ARCN1: variants seen among roughly 807,000 people sequenced by gnomAD.
ARCN1 encodes the protein archain 1 coat protein complex I subunit delta.
In ARCN1, 5 loss-of-function variants were observed where a neutral mutation model predicts 60.4. The observed-to-expected ratio is 0.08, with a 90% CI of 0.04 to 0.17. The LOEUF (loss-of-function observed/expected upper bound fraction) is 0.17, where lower values mean the gene tolerates loss of function less well. Among genes scored for constraint, ARCN1 ranks in the 10% least tolerant of loss-of-function variants. The pLI is 1.00. For synonymous variants in ARCN1, 224 were observed against 220.0 expected (o/e 1.02, Z -0.16); for missense variants, 464 against 626.5 (o/e 0.74, Z 2.77).
At chr11:118,598,167 A>G (rs1441750790) in intron 9 of ARCN1, among the ~76,000 whole-genome samples, 1 of 152,190 alleles carries the variant, frequency 6.6e-6, no homozygotes, top group African/African-American at 2.4e-5. Flanking sequence ...GTACTTGTGG[A>G]TTATGCAAGA....
intron 1 of ARCN1, chr11:118,573,721 T>G (rs1249564643): frequency 1.4e-6 from 1 of 695,094 alleles, no homozygotes; most frequent in African/African-American, 1.8e-5. Flanking sequence ...AGATAAGAAC[T>G]TGGATAATGG....
intron 1 of ARCN1, 42 bp downstream of exon 1, chr11:118,572,592 T>C: frequency 6.3e-7 from 1 of 1,596,558 alleles, no homozygotes; most frequent in Non-Finnish European, 8.5e-7. Context: ...GGTCCGAGCC[T>C]CACCGTCTCT....
intron 8 of ARCN1, among the ~76,000 whole-genome samples, chr11:118,595,973 A>G (rs1384964159): frequency 2.0e-5 from 3 of 152,128 alleles, no homozygotes; most frequent in Non-Finnish European, 4.4e-5. Context: ...AGGCTGAGGC[A>G]GGAGAATGGT....
At chr11:118,583,784 C>T (rs782037970) in intron 3 of ARCN1, 25 bp from the exon 4 acceptor site, 3 of 1,604,964 alleles carry the variant, frequency 1.9e-6, no homozygotes, top group Non-Finnish European at 2.5e-6. Context: ...AAAAAAGCTA[C>T]ATTAATGTAT....
At chr11:118,594,017 A>G (rs761014473) in intron 8 of ARCN1, 20 of 215,516 alleles carry the variant, frequency 9.3e-5, no homozygotes, top group Non-Finnish European at 1.8e-4. Flanking sequence ...AGGTACTAAA[A>G]TTGGAACCAT....
chr11:118,598,161 T>C (rs549817800), intron 9 of ARCN1, among the ~76,000 whole-genome samples: 1 of 152,284 alleles, frequency 6.6e-6, no homozygotes, highest in South Asian at 2.1e-4. Context: ...ATAAAAGTAC[T>C]TGTGGATTAT....
At chr11:118,589,865 T>C (rs1555075990) in intron 5 of ARCN1, among the ~76,000 whole-genome samples, 1 of 152,242 alleles carries the variant, frequency 6.6e-6, no homozygotes. Flanking sequence ...GAAGAATTGC[T>C]GTATCAAAGG....
In ARCN1 at chr11:118,590,400, A is replaced by G. The variant is rs1231868769; in HGVS notation, c.878A>G (p.Gln293Arg). The G allele has an allele frequency of 1.9e-6, 3 of 1,614,162 alleles. No individual in the cohort carries two copies. Among genetic ancestry groups the G allele is most frequent in the Middle Eastern group, 1.6e-4 (1 of 6,062 alleles). The change falls in exon 6 of 10, where the codon CAG becomes CGG. Residue 293 changes from glutamine (Q) to arginine (R), a missense_variant. Transcript: ENST00000264028. Reference sequence around the variant, plus strand: ...ACCTGTGGACGAGACGGAGGATTACAGAATATGGAGTTGCATGGCATGATC... The same window carrying G: ...ACCTGTGGACGAGACGGAGGATTACGGAATATGGAGTTGCATGGCATGATC... ...TLTCGRDGGL[Q>R]NMELHGMIML...
chr11:118,585,864 G>A (rs1375052887), intron 5 of ARCN1, among the ~76,000 whole-genome samples: 1 of 152,154 alleles, frequency 6.6e-6, no homozygotes, highest in Non-Finnish European at 1.5e-5. Context: ...AATATTTGAA[G>A]CCAGTATGGA....
At position 118,583,746 on chromosome 11, in the gene ARCN1, G is replaced by A. The variant is rs1486976349; in HGVS notation, c.448-63G>A. The stretch of plus-strand genomic sequence containing the variant: ...TGCACTCCAGCCTGGGTCACAGAGT[G>A]AGACCCTGTCTCAACAAAAACCCAA... On this transcript the variant is annotated intron_variant, in intron 3 of 9. Transcript: ENST00000264028. The A allele has an allele frequency of 7.1e-6, 11 of 1,552,218 alleles. No homozygotes were observed. In the Admixed American group the frequency reaches 1.5e-4, roughly 21 times the overall value.
intron 5 of ARCN1, among the ~76,000 whole-genome samples, chr11:118,586,300 T>G (rs1555075485): frequency 6.6e-6 from 1 of 152,126 alleles, no homozygotes; most frequent in Non-Finnish European, 1.5e-5. Flanking sequence ...TTTGCCGTGT[T>G]GGCCAGGTGG....
At chr11:118,578,719 T>A (rs1413872021) in intron 1 of ARCN1, among the ~76,000 whole-genome samples, 1 of 152,100 alleles carries the variant, frequency 6.6e-6, no homozygotes, top group Non-Finnish European at 1.5e-5. Flanking sequence ...TATTCATTAT[T>A]TGAATATCAA....
chr11:118,600,030 A>C (rs1288011191), intron 9 of ARCN1, among the ~76,000 whole-genome samples: 1 of 152,214 alleles, frequency 6.6e-6, no homozygotes, highest in Non-Finnish European at 1.5e-5. Flanking sequence ...AGGACATTAT[A>C]ATTGCTCTCC....
chr11:118,584,535 A>G lies in ARCN1; in HGVS notation c.709A>G (p.Asn237Asp), dbSNP rs781861896. 1 of 1,614,034 alleles carries G rather than the reference A, an allele frequency of 6.2e-7. No individual in the cohort carries two copies. Among genetic ancestry groups the G allele is most frequent in the South Asian group, 1.1e-5 (1 of 91,048 alleles). The change falls in exon 5 of 10, where the codon AAC becomes GAC. Residue 237 changes from asparagine (N) to aspartate (D), a missense_variant. Around this residue, in one of 2 missense-constraint regions of ARCN1, gnomAD observed 359 missense variants for 440.2 expected, o/e 0.82. Coordinates refer to ENST00000264028, the MANE Select transcript of ARCN1 (RefSeq NM_001655.5). ...KLGAKGKEVD[N>D]FVDKLKSEGE... is the part of the protein sequence containing the mutation. The stretch of plus-strand genomic sequence containing the variant: ...TGGAGCCAAAGGAAAGGAAGTAGAT[A>G]ACTTTGTGGACAAATTAAAATCTGA...
intron 6 of ARCN1, 103 bp downstream of exon 6, chr11:118,590,609 A>G (rs1555076195): frequency 1.6e-6 from 2 of 1,231,536 alleles, no homozygotes; most frequent in African/African-American, 3.0e-5. Flanking sequence ...TACTTAAGTT[A>G]TATAACTAGC....
rs1555078346 is a variant in ARCN1, at chr11:118,602,576, A to G, written c.*1862A>G. The stretch of plus-strand genomic sequence containing the variant: ...TGGCTGTGTGTGGAATTGCTTGCCA[A>G]AGAAGTTTCTAGCCTTTCCCTTTCC... On this transcript the variant is annotated 3_prime_UTR_variant, in exon 10 of 10. Coordinates refer to ENST00000264028, the MANE Select transcript of ARCN1 (RefSeq NM_001655.5). 6.5e-6 allele frequency: 1 copy of G among 153,778 alleles called. No homozygotes were observed. Among genetic ancestry groups the G allele is most frequent in the Non-Finnish European group, 1.5e-5 (1 of 68,044 alleles). The allele number at this position is 153,778 out of a possible 1,614,324, so 9.5% of individuals were successfully genotyped here.
intron 5 of ARCN1, 61 bp from the exon 6 acceptor site, chr11:118,590,280 C>T (rs929752119): frequency 3.8e-5 from 55 of 1,465,236 alleles, no homozygotes; most frequent in Middle Eastern, 1.8e-4. Flanking sequence ...TAGGCATGAG[C>T]CACCACGCCC....
rs782023850 is a variant in ARCN1 at position 118,572,527 on chromosome 11, C to T, written c.-21C>T. ...CCCCAGTGGAGCCGGAGTGCGGGCG[C>T]GCCCCACCACCGCCCTCACCATGGT... On this transcript the variant is annotated 5_prime_UTR_variant, in exon 1 of 10. Transcript: ENST00000264028. 12 of 1,611,264 alleles carry T rather than the reference C, an allele frequency of 7.4e-6. No homozygotes were observed. Among genetic ancestry groups the T allele is most frequent in the African/African-American group, 6.7e-5 (5 of 74,856 alleles).
Position 118,578,426 on chromosome 11 carries a change from G to A in ARCN1, c.4-2820G>A, listed in dbSNP as rs543928068. ...TGCAGCATGTTTATATAGGTCTGAA[G>A]TTTTGGTCTGAGCTGTCCTTTCTTT... On this transcript the variant is annotated intron_variant, in intron 1 of 9. Coordinates refer to ENST00000264028, the MANE Select transcript of ARCN1 (RefSeq NM_001655.5). Among the ~76,000 whole-genome samples the A allele has an allele frequency of 5.3e-5, 8 of 152,146 alleles. No homozygotes were observed. The South Asian group carries it at 1.7e-3, about 32-fold the overall frequency.
Sources: allele counts gnomAD v4.1 joint callset (sites outside exome capture counted in the v4.1 genomes callset), GRCh38; gene constraint gnomAD v4.1.1; regional missense constraint gnomAD v4.1.1; transcripts MANE v1.5; gene names NCBI Gene and HGNC (gene_info 2026-07-23, HGNC 2026-07-21).